The following IFI44L variants were observed in gnomAD, a reference collection of about 807,000 sequenced individuals.
IFI44L encodes interferon-induced protein 44-like.
IFI44L carries 40 observed loss-of-function variants against 39.3 expected under a neutral mutation model. The observed-to-expected ratio is 1.02, with a 90% CI of 0.79 to 1.33. The LOEUF is 1.33. IFI44L is among the 40% of genes most tolerant of loss of function. The pLI, the probability that IFI44L is intolerant of heterozygous loss-of-function variation, is 0.00. For missense variants in IFI44L, 623 were observed against 549.0 expected, an observed-to-expected ratio of 1.13 and a Z score of -1.35; for synonymous variants, 198 against 182.3, an observed-to-expected ratio of 1.09 and a Z score of -0.69.
At chr1:78,635,211 G>A (rs1652899405) in intron 4 of IFI44L, 126 bp from the exon 5 acceptor site, 4 of 676,882 alleles carry the variant, frequency 5.9e-6, no homozygotes, top group Non-Finnish European at 9.9e-6. Context: ...GTCTAAAGGG[G>A]TCCTGAGACC....
chr1:78,630,553 C>A (rs1652712792), intron 4 of IFI44L, among the ~76,000 whole-genome samples: 1 of 151,948 alleles, frequency 6.6e-6, no homozygotes, highest in African/African-American at 2.4e-5. Context: ...CATGCACATG[C>A]AATCAAACAA....
chr1:78,622,817 C>A (rs1652325386), intron 1 of IFI44L, among the ~76,000 whole-genome samples: 1 of 152,142 alleles, frequency 6.6e-6, no homozygotes, highest in Non-Finnish European at 1.5e-5. Context: ...ATATCTACAA[C>A]CATAAGGAAC....
chr1:78,623,873 C>A (rs1256201058), intron 1 of IFI44L, among the ~76,000 whole-genome samples: 1 of 152,146 alleles, frequency 6.6e-6, no homozygotes, highest in African/African-American at 2.4e-5. Context: ...CCTTTTTGCT[C>A]TATTTGGGCC....
At chr1:78,622,727 C>G (rs2100467988) in intron 1 of IFI44L, among the ~76,000 whole-genome samples, 1 of 152,258 alleles carries the variant, frequency 6.6e-6, no homozygotes, top group South Asian at 2.1e-4. Flanking sequence ...TGGCAAAGAA[C>G]TAAGGGTGAC....
chr1:78,632,385 T>C (rs1033958247), intron 4 of IFI44L, among the ~76,000 whole-genome samples: 1 of 152,204 alleles, frequency 6.6e-6, no homozygotes, highest in Non-Finnish European at 1.5e-5. Flanking sequence ...TTAATGGTGG[T>C]ATTAACAAAT....
At chr1:78,629,071 T>C (rs538725185) in intron 3 of IFI44L, 72 bp downstream of exon 3, 2 of 930,538 alleles carry the variant, frequency 2.1e-6, no homozygotes, top group African/African-American at 1.7e-5. Flanking sequence ...CTGACAAATA[T>C]GTGGTAAAGA....
rs751581204 is a variant in IFI44L at position 78,628,154 on chromosome 1, A to G, written c.239A>G (p.Asn80Ser). The G allele has an allele frequency of 3.1e-6, 5 of 1,612,226 alleles. No individual in the cohort carries two copies. The Admixed American group carries it at 5.0e-5, about 16-fold the overall frequency. Reference protein sequence around the residue: ...INLHESSTEPNDSLWFSLQKK... With the variant: ...INLHESSTEPSDSLWFSLQKK... ...TTACATGAAAGTTCTACAGAGCCAAATGATTCCCTATGGTTTTCACTTCAA... is the reference window on the plus strand; with the variant it reads ...TTACATGAAAGTTCTACAGAGCCAAGTGATTCCCTATGGTTTTCACTTCAA... Residue 80 changes from asparagine to serine, a missense_variant, in exon 2 of 9, where the codon AAT becomes AGT. Asn to Ser is a conservative substitution (Grantham distance 46). Coordinates refer to ENST00000370751, the MANE Select transcript of IFI44L (RefSeq NM_006820.4).
Position 78,641,505 on chromosome 1 carries a change from A to T in IFI44L, c.1220A>T (p.Asp407Val), listed in dbSNP as rs1415406118. 6.2e-7 allele frequency: 1 copy of T among 1,613,694 alleles called. No homozygotes were observed. The highest frequency in any genetic ancestry group is 1.7e-5 in the Admixed American group (1 of 59,978). Residue 407 changes from aspartate to valine, a missense_variant, in exon 8 of 9, where the codon GAT becomes GTT. Coordinates refer to ENST00000370751, the MANE Select transcript of IFI44L (RefSeq NM_006820.4). ...NILMVGNYAS[D>V]LELDPMKDIL... The stretch of plus-strand genomic sequence containing the variant: ...TTGATGGTTGGAAATTATGCTTCAG[A>T]TTTGGAACTGGACCCCATGAAGGAT...
chr1:78,624,525 T>C (rs932331120), intron 1 of IFI44L, among the ~76,000 whole-genome samples: 18 of 152,208 alleles, frequency 1.2e-4, no homozygotes, highest in Non-Finnish European at 7.3e-5. Context: ...GCTCCTATAA[T>C]ACACTTGAGA....
Position 78,635,409 on chromosome 1 carries a change from C to T in IFI44L, c.796C>T (p.Leu266=), listed in dbSNP as rs753682974. 1.2e-6 allele frequency: 2 copies of T among 1,613,044 alleles called. No individual in the cohort carries two copies. Among genetic ancestry groups the T allele is most frequent in the South Asian group, 1.1e-5 (1 of 91,046 alleles). ...LPFMLCDTMG[L]DGAEGAGLCM... ...ATTTATGTTGTGTGACACTATGGGGCTAGATGGGGCAGAAGGAGCAGGACT... is the reference window on the plus strand; with the variant it reads ...ATTTATGTTGTGTGACACTATGGGGTTAGATGGGGCAGAAGGAGCAGGACT... Residue 266 remains leucine (L), a synonymous_variant, in exon 5 of 9, where the codon CTA becomes TTA. Transcript: ENST00000370751.
rs1171681707 is a variant in IFI44L at position 78,642,309 on chromosome 1, ACATT to A, written c.*503_*506del. The A allele has an allele frequency of 6.7e-6, 1 of 150,160 alleles. No individual in the cohort carries two copies. Among genetic ancestry groups the A allele is most frequent in the African/African-American group, 2.4e-5 (1 of 40,818 alleles). The allele number at this position is 150,160 out of a possible 1,614,324, so 9.3% of individuals were successfully genotyped here. A position where few individuals can be genotyped will look rare whatever the true frequency, so the allele number is the denominator to read the frequency against. ...TTTCCTTCCCACTCTCTCCAACATC[ACATT>A]CACTTTAAATTTTTCTGTATATAGA... On this transcript the variant is annotated 3_prime_UTR_variant, in exon 9 of 9. Transcript: ENST00000370751.
At chr1:78,640,487 G>T (rs1259821244) in intron 6 of IFI44L, among the ~76,000 whole-genome samples, 2 of 152,122 alleles carry the variant, frequency 1.3e-5, no homozygotes, top group Non-Finnish European at 2.9e-5. Flanking sequence ...GAGCTTCCTT[G>T]ACTGGCATTT....
intron 4 of IFI44L, 36 bp downstream of exon 4, chr1:78,629,951 T>C (rs1451471155): frequency 3.9e-6 from 6 of 1,536,886 alleles, no homozygotes; most frequent in Middle Eastern, 1.7e-4. Flanking sequence ...TTTTATAGAT[T>C]ACAATTATTA....
At position 78,645,405 on chromosome 1, in the gene IFI44L, G is replaced by T. The variant is rs1009026497; in HGVS notation, c.*3596G>T. The stretch of plus-strand genomic sequence containing the variant: ...CAACAATACCAAGAGGGGTTACTGT[G>T]CTGGGTAATGTGTAAACTTGTGTCT... On this transcript the variant is annotated 3_prime_UTR_variant, in exon 9 of 9. Transcript: ENST00000370751. The T allele has an allele frequency of 2.6e-5, 4 of 152,194 alleles. No individual in the cohort carries two copies. Among genetic ancestry groups the T allele is most frequent in the African/African-American group, 9.7e-5 (4 of 41,444 alleles). 9.4% of individuals were successfully genotyped at this position (152,194 alleles called of 1,614,324 possible).
At chr1:78,635,284 C>A in intron 4 of IFI44L, 53 bp from the exon 5 acceptor site, 2 of 1,370,616 alleles carry the variant, frequency 1.5e-6, no homozygotes, top group Non-Finnish European at 2.1e-6. Flanking sequence ...ATTGTCATGT[C>A]TTGAATGCTG....
Position 78,628,102 on chromosome 1 carries a change from G to A in IFI44L, c.187G>A (p.Ala63Thr). The A allele has an allele frequency of 6.2e-7, 1 of 1,612,666 alleles. No individual in the cohort carries two copies. Among genetic ancestry groups the A allele is most frequent in the South Asian group, 1.1e-5 (1 of 90,858 alleles). Reference protein sequence around the residue: ...MAYIDYNMIVAFMLGNYINLH... With the variant: ...MAYIDYNMIVTFMLGNYINLH... The stretch of plus-strand genomic sequence containing the variant: ...TTACATTGATTACAATATGATTGTA[G>A]CCTTTATGCTTGGAAATTATATTAA... Residue 63 changes from alanine to threonine, a missense_variant, in exon 2 of 9, where the codon GCC becomes ACC. Physicochemically the swap from Ala to Thr is moderately conservative, Grantham distance 58. Coordinates refer to ENST00000370751, the MANE Select transcript of IFI44L (RefSeq NM_006820.4).
Position 78,641,796 on chromosome 1 carries a change from A to G in IFI44L, c.1346A>G (p.Gln449Arg), listed in dbSNP as rs973077470. The stretch of plus-strand genomic sequence containing the variant: ...TCAGGTGCAATTGAGAGAGCGTTAC[A>G]GCCCTGCATTTGAGATAAGTTGCCT... ...EETGAIERAL[Q>R]PCI is the part of the protein sequence containing the mutation. The change falls in exon 9 of 9, where the codon CAG (glutamine) becomes CGG (arginine). Residue 449 changes from glutamine (Q) to arginine (R), a missense_variant. Transcript: ENST00000370751. 3 of 1,613,608 alleles carry G rather than the reference A, an allele frequency of 1.9e-6. No homozygotes were observed. The African/African-American group carries it at 4.0e-5, about 22-fold the overall frequency.
At chr1:78,631,386 T>C (rs975624985) in intron 4 of IFI44L, 2 of 152,162 alleles carry the variant, frequency 1.3e-5, no homozygotes, top group African/African-American at 2.4e-5. Context: ...AAATCTTCAG[T>C]GGGATTACGC....
intron 7 of IFI44L, 101 bp downstream of exon 7, chr1:78,641,222 G>A (rs766860452): frequency 4.3e-6 from 4 of 920,882 alleles, no homozygotes; most frequent in Non-Finnish European, 6.9e-6. Context: ...CTTACAGAGT[G>A]TATTTGCAGG....
Sources: allele counts gnomAD v4.1 joint callset (sites outside exome capture counted in the v4.1 genomes callset), GRCh38; gene constraint gnomAD v4.1.1; transcripts MANE v1.5; gene names NCBI Gene and HGNC (gene_info 2026-07-23, HGNC 2026-07-21).